Variants in RAB44 observed in about 807,000 individuals in gnomAD.
RAB44 encodes the protein RAB44, member RAS oncogene family, also known as ras-related protein Rab-44.
A neutral mutation model predicts 93.3 loss-of-function variants in RAB44; 67 were observed. That is an observed-to-expected ratio of 0.72 (90% CI 0.59 to 0.88). RAB44 has a LOEUF of 0.88. Among genes scored for constraint, RAB44 ranks in the 40% least tolerant of loss-of-function variants. The probability of loss-of-function intolerance (pLI) is 0.00; values close to 1 mark genes in which losing one functional copy is unlikely to be tolerated. For synonymous variants in RAB44, 427 were observed against 520.3 expected, an observed-to-expected ratio of 0.82 and a Z score of 2.44; for missense variants, 1,064 against 1,261.7, an observed-to-expected ratio of 0.84 and a Z score of 2.37.
chr6:36,718,410 G>A, intron 6 of RAB44, 83 bp from the exon 7 acceptor site: 1 of 681,026 alleles, frequency 1.5e-6, no homozygotes, highest in Non-Finnish European at 2.1e-6. Context: ...CCCAGGTGGT[G>A]GAGGTGGAGT....
chr6:36,717,762 A>ACTGAGTGATGGGGTGT lies in RAB44; in HGVS notation c.642-266_642-265insCTGAGTGATGGGGTGT, dbSNP rs1762961459. Among the ~76,000 whole-genome samples, 1 of 51,450 alleles carries ACTGAGTGATGGGGTGT rather than the reference A, an allele frequency of 1.9e-5. No individual in the cohort carries two copies. The highest frequency in any genetic ancestry group is 6.5e-4 in the South Asian group (1 of 1,544). 33.8% of individuals were successfully genotyped at this position (51,450 alleles called of 152,430 possible). A position where few individuals can be genotyped will look rare whatever the true frequency, so the allele number is the denominator to read the frequency against. ...GGAGTGGGGACTGAGTGATGGGGTGATGGGGACAATGAGACCCTGGCCAGG... is the reference window on the plus strand; with the variant it reads ...GGAGTGGGGACTGAGTGATGGGGTGACTGAGTGATGGGGTGTTGGGGACAATGAGACCCTGGCCAGG... On this transcript the variant is annotated intron_variant, in intron 5 of 13. Coordinates refer to ENST00000612677, the MANE Select transcript of RAB44 (RefSeq NM_001257357.2). The surrounding 1 kb of genome is among the most constrained non-coding windows in gnomAD (Gnocchi z 4.1).
intron 12 of RAB44, among the ~76,000 whole-genome samples, chr6:36,730,358 A>G (rs1763331694): frequency 6.6e-6 from 1 of 152,218 alleles, no homozygotes; most frequent in African/African-American, 2.4e-5. Flanking sequence ...AAAAAACATA[A>G]CTAACATTTA....
intron 1 of RAB44, among the ~76,000 whole-genome samples, chr6:36,700,187 C>T (rs891068380): frequency 2.0e-5 from 3 of 152,198 alleles, no homozygotes; most frequent in Non-Finnish European, 2.9e-5. Flanking sequence ...GCTTAATCCT[C>T]GCAGCATCCC....
At position 36,729,516 on chromosome 6, in the gene RAB44, T is replaced by C. The variant is rs187703357; in HGVS notation, c.2898+715T>C. 3.8e-4 allele frequency among the ~76,000 whole-genome samples: 57 copies of C among 151,076 alleles called. 1 individual carries two copies. Among genetic ancestry groups the C allele is most frequent in the African/African-American group, 1.3e-3 (54 of 41,098 alleles). ...TTTTTTTTTTGAGATGGAATCTTGC[T>C]CTGTCACCCAGGCTGGAGTGCAGTG... On this transcript the variant is annotated intron_variant, in intron 12 of 13. Coordinates refer to ENST00000612677, the MANE Select transcript of RAB44 (RefSeq NM_001257357.2).
In RAB44 at chr6:36,717,986, G is replaced by C; in HGVS notation, c.642-42G>C. 8.4e-7 allele frequency: 1 copy of C among 1,186,130 alleles called. No homozygotes were observed. Among genetic ancestry groups the C allele is most frequent in the Non-Finnish European group, 1.1e-6 (1 of 945,942 alleles). 73.5% of individuals were successfully genotyped at this position (1,186,130 alleles called of 1,614,324 possible). On this transcript the variant is annotated intron_variant, in intron 5 of 13. Transcript: ENST00000612677. This position sits in a 1 kb window ranked among gnomAD's most constrained non-coding sequence, Gnocchi z 4.1. ...CCCCTGCCAGCAGCAGGCTCCCAGA[G>C]GTGCTGATGGGCTGCCTGGCCCCAA...
intron 2 of RAB44, 55 bp downstream of exon 2, chr6:36,704,497 C>T: frequency 6.8e-7 from 1 of 1,472,074 alleles, no homozygotes; most frequent in Non-Finnish European, 9.2e-7. Context: ...GCTCCTGACA[C>T]CCCCTCTCCC....
At chr6:36,724,139 TTTTATTTA>T (rs35704587) in intron 9 of RAB44, among the ~76,000 whole-genome samples, 14,609 of 146,376 alleles carry the variant, frequency 0.1, 1,210 homozygotes, top group African/African-American at 0.22. Flanking sequence ...CATTATTTTA[TTTTATTTA>T]TTTATTTATT....
At chr6:36,722,908 G>T (rs1310120291) in intron 9 of RAB44, among the ~76,000 whole-genome samples, 175 bp downstream of exon 9, 1 of 152,236 alleles carries the variant, frequency 6.6e-6, no homozygotes, top group African/African-American at 2.4e-5. Context: ...TTCACTAATC[G>T]TCTCTAATTA....
intron 9 of RAB44, 116 bp from the exon 10 acceptor site, chr6:36,725,746 C>T (rs1763221689): frequency 4.2e-6 from 3 of 713,936 alleles, no homozygotes; most frequent in Admixed American, 4.1e-5. Flanking sequence ...AGCCCGGCAG[C>T]CAAGGGCTCC....
Position 36,717,048 on chromosome 6 carries a change from A to C in RAB44, c.495-225A>C, listed in dbSNP as rs1762938753. ...CCATCCCACTATTACGGAATCATAG[A>C]GAGACACAGTGTGGCGGGGGTTCGA... is the stretch of plus-strand genomic sequence containing the variant. On this transcript the variant is annotated intron_variant, in intron 4 of 13. Transcript: ENST00000612677. This position sits in a 1 kb window ranked among gnomAD's most constrained non-coding sequence, Gnocchi z 4.1. Among the ~76,000 whole-genome samples, 1 of 152,178 alleles carries C rather than the reference A, an allele frequency of 6.6e-6. No homozygotes were observed. Among genetic ancestry groups the C allele is most frequent in the Non-Finnish European group, 1.5e-5 (1 of 68,028 alleles).
intron 11 of RAB44, 80 bp downstream of exon 11, chr6:36,727,771 C>G: frequency 2.2e-6 from 2 of 900,556 alleles, no homozygotes; most frequent in Non-Finnish European, 3.6e-6. Context: ...CCTCTTTTCT[C>G]CCAGGATTAC....
Position 36,722,583 on chromosome 6 carries a change from C to T in RAB44, c.2449C>T (p.Pro817Ser), listed in dbSNP as rs1436086292. The T allele has an allele frequency of 6.4e-7, 1 of 1,550,426 alleles. No individual in the cohort carries two copies. Among genetic ancestry groups the T allele is most frequent in the Non-Finnish European group, 8.7e-7 (1 of 1,146,856 alleles). ...DSREAGLTPS[P>S]GDPMAGGGPQ... ...CAGGGAAGCTGGGCTGACCCCATCC[C>T]CGGGAGACCCCATGGCTGGAGGGGG... Residue 817 changes from proline (P) to serine (S), a missense_variant, in exon 9 of 14, where the codon CCG becomes TCG. Physicochemically the swap from Pro to Ser is moderately conservative, Grantham distance 74. Coordinates refer to ENST00000612677, the MANE Select transcript of RAB44 (RefSeq NM_001257357.2).
chr6:36,713,777 T>G (rs1582623490), intron 2 of RAB44, 51 bp from the exon 3 acceptor site: 6 of 1,160,714 alleles, frequency 5.2e-6, no homozygotes, highest in Non-Finnish European at 7.5e-6. Context: ...TTTTGGAGGG[T>G]GAGAGCCTTC....
intron 2 of RAB44, among the ~76,000 whole-genome samples, chr6:36,705,445 G>T (rs1015008447): frequency 1.6e-5 from 2 of 122,052 alleles, no homozygotes; most frequent in Non-Finnish European, 3.2e-5. Flanking sequence ...TCAGAGGCAC[G>T]ATCTCAGCTC....
chr6:36,708,421 A>G (rs1388986915), intron 2 of RAB44, among the ~76,000 whole-genome samples: 1 of 152,152 alleles, frequency 6.6e-6, no homozygotes, highest in Non-Finnish European at 1.5e-5. Flanking sequence ...TTTAAAACAT[A>G]TAGAGAAAGA....
chr6:36,729,787 T>C (rs1763320642), intron 12 of RAB44, among the ~76,000 whole-genome samples: 1 of 152,188 alleles, frequency 6.6e-6, no homozygotes, highest in Non-Finnish European at 1.5e-5. Context: ...TCGGCCTTTT[T>C]CTTAAAAGTA....
intron 2 of RAB44, among the ~76,000 whole-genome samples, chr6:36,706,839 G>T (rs923455190): frequency 6.6e-6 from 1 of 151,014 alleles, no homozygotes; most frequent in African/African-American, 2.5e-5. Context: ...TGATCCTCTC[G>T]CCTCAGCCTC....
intron 2 of RAB44, 107 bp from the exon 3 acceptor site, chr6:36,713,721 T>G: frequency 1.4e-6 from 1 of 706,248 alleles, no homozygotes; most frequent in Non-Finnish European, 2.5e-6. Flanking sequence ...GACTCTGACA[T>G]TGGGGTGAGG....
chr6:36,727,034 C>A (rs1237802100), intron 10 of RAB44, among the ~76,000 whole-genome samples: 1 of 152,092 alleles, frequency 6.6e-6, no homozygotes, highest in Non-Finnish European at 1.5e-5. Context: ...CTCCTGACCG[C>A]AAGTGATCCT....
Sources: gnomAD v4.1 joint callset for allele counts (sites outside exome capture counted in the v4.1 genomes callset) on GRCh38, gnomAD v4.1.1 for gene constraint, Gnocchi (gnomAD v3.1) non-coding constraint, MANE v1.5 for transcripts, NCBI Gene and HGNC (gene_info 2026-07-23, HGNC 2026-07-21) for gene names.